ZNF365: variants seen among roughly 807,000 people sequenced by gnomAD.
ZNF365 encodes the protein protein ZNF365.
A neutral mutation model predicts 35.0 loss-of-function variants in ZNF365; 22 were observed. The observed-to-expected ratio is 0.63, with a 90% CI of 0.45 to 0.90. The LOEUF is 0.90. Among genes scored for constraint, ZNF365 ranks in the 40% least tolerant of loss-of-function variants. ZNF365 has a pLI of 0.00. For missense variants in ZNF365, 448 were observed against 500.3 expected (o/e 0.90, Z 1.00); for synonymous variants, 188 against 196.2 (o/e 0.96, Z 0.35).
At chr10:62,395,407 G>A (rs1184851022) in intron 3 of ZNF365, among the ~76,000 whole-genome samples, 2 of 149,946 alleles carry the variant, frequency 1.3e-5, no homozygotes, top group Non-Finnish European at 3.0e-5. Context: ...GCATGATCAT[G>A]GCTCACTGCA....
At chr10:62,442,533 C>T (rs527863597) in intron 3 of ZNF365, among the ~76,000 whole-genome samples, 1 of 152,262 alleles carries the variant, frequency 6.6e-6, no homozygotes, top group South Asian at 2.1e-4. Flanking sequence ...GAAACGATGG[C>T]TTCATTTTCT....
intron 4 of ZNF365, among the ~76,000 whole-genome samples, chr10:62,477,421 C>A (rs1841150303): frequency 6.6e-6 from 1 of 152,148 alleles, no homozygotes; most frequent in African/African-American, 2.4e-5. Context: ...AACTATGAAG[C>A]AAACAAATGT....
chr10:62,413,676 G>T (rs1458784035), intron 3 of ZNF365, among the ~76,000 whole-genome samples: 1 of 151,722 alleles, frequency 6.6e-6, no homozygotes, highest in East Asian at 1.9e-4. Flanking sequence ...TGTTAGAAAT[G>T]AGGAATACCA....
At position 62,399,844 on chromosome 10, in the gene ZNF365, G is replaced by C; in HGVS notation, c.*55G>C. 6.5e-7 allele frequency: 1 copy of C among 1,542,582 alleles called. No homozygotes were observed. The highest frequency in any genetic ancestry group is 8.7e-7 in the Non-Finnish European group (1 of 1,143,056). ...CTGGGCTTTGGGGAACGTTGTTCCA[G>C]GAGCCAACAGTAATGTCTTTCTGGA... On this transcript the variant is annotated 3_prime_UTR_variant, in exon 5 of 5. Coordinates refer to ENST00000395254, the MANE Select transcript of ZNF365 (RefSeq NM_014951.3).
At chr10:62,405,344 G>T (rs1839889453), downstream of ZNF365, among the ~76,000 whole-genome samples, 1 of 152,144 alleles carries the variant, frequency 6.6e-6, no homozygotes, top group Non-Finnish European at 1.5e-5. Flanking sequence ...ACTTAAGAAG[G>T]TGACATCATC....
chr10:62,449,598 T>C (rs1840645263), intron 3 of ZNF365, among the ~76,000 whole-genome samples: 1 of 152,346 alleles, frequency 6.6e-6, no homozygotes, highest in Non-Finnish European at 1.5e-5. Flanking sequence ...AATATTTGAA[T>C]TAAAAAAATT....
At chr10:62,406,110 C>A (rs1401674600), downstream of ZNF365, among the ~76,000 whole-genome samples, 2 of 152,116 alleles carry the variant, frequency 1.3e-5, no homozygotes, top group Non-Finnish European at 1.5e-5. Context: ...ATTGAATTTG[C>A]CCCGCATGCC....
At chr10:62,474,647 A>G (rs1380584675) in intron 4 of ZNF365, among the ~76,000 whole-genome samples, 4 of 152,164 alleles carry the variant, frequency 2.6e-5, no homozygotes, top group African/African-American at 9.7e-5. Context: ...TAAGCCAATG[A>G]TTCTCCAATC....
At chr10:62,393,866 G>C (rs1839677021) in intron 3 of ZNF365, among the ~76,000 whole-genome samples, 1 of 152,132 alleles carries the variant, frequency 6.6e-6, no homozygotes. Flanking sequence ...AACTGTATGA[G>C]GGTTGGAGGG....
At chr10:62,391,212 T>C (rs1448895629) in intron 3 of ZNF365, among the ~76,000 whole-genome samples, 1 of 152,244 alleles carries the variant, frequency 6.6e-6, no homozygotes, top group African/African-American at 2.4e-5. Flanking sequence ...ATATTTTCTT[T>C]TTTAAGTTTT....
At chr10:62,425,242 T>A (rs1392145773) in intron 3 of ZNF365, among the ~76,000 whole-genome samples, 6 of 151,978 alleles carry the variant, frequency 3.9e-5, no homozygotes, top group Admixed American at 1.3e-4. Context: ...AGACACAGAG[T>A]CTAGAAGCCA....
At chr10:62,419,753 A>G (rs1028755346) in intron 3 of ZNF365, among the ~76,000 whole-genome samples, 12 of 152,140 alleles carry the variant, frequency 7.9e-5, no homozygotes, top group Non-Finnish European at 2.9e-5. Flanking sequence ...TTTTGCATGA[A>G]CAAAAGGTCA....
intron 3 of ZNF365, among the ~76,000 whole-genome samples, chr10:62,391,139 T>A (rs1406734666): frequency 6.6e-6 from 1 of 152,272 alleles, no homozygotes; most frequent in Non-Finnish European, 1.5e-5. Flanking sequence ...TAAATTATTT[T>A]TTAACCTTTT....
chr10:62,440,431 C>T (rs1372360703), intron 3 of ZNF365, among the ~76,000 whole-genome samples: 2 of 152,060 alleles, frequency 1.3e-5, no homozygotes, highest in Non-Finnish European at 2.9e-5. Flanking sequence ...ACTGCAATGT[C>T]TGTTGTTTCC....
At chr10:62,440,675 T>C (rs1840485575) in intron 3 of ZNF365, among the ~76,000 whole-genome samples, 1 of 152,204 alleles carries the variant, frequency 6.6e-6, no homozygotes, top group South Asian at 2.1e-4. Context: ...ATCTCTATAG[T>C]AGTGTTTGTA....
At chr10:62,415,606 C>T (rs1840061904) in intron 3 of ZNF365, among the ~76,000 whole-genome samples, 1 of 152,260 alleles carries the variant, frequency 6.6e-6, no homozygotes, top group South Asian at 2.1e-4. Flanking sequence ...TCTTATTTCT[C>T]TAGTACCATA....
downstream of ZNF365, among the ~76,000 whole-genome samples, chr10:62,405,366 T>G (rs1199746027): frequency 6.6e-6 from 1 of 152,148 alleles, no homozygotes; most frequent in Non-Finnish European, 1.5e-5. Context: ...CATTTTGCAA[T>G]GAGAGGGGGG....
At chr10:62,393,199 G>A (rs1002500825) in intron 3 of ZNF365, among the ~76,000 whole-genome samples, 10 of 152,254 alleles carry the variant, frequency 6.6e-5, no homozygotes, top group Non-Finnish European at 1.2e-4. Flanking sequence ...AATACTTCCT[G>A]AAGGACCTGC....
chr10:62,468,054 T>A (rs1421457739), intron 4 of ZNF365, among the ~76,000 whole-genome samples: 1 of 152,176 alleles, frequency 6.6e-6, no homozygotes, highest in African/African-American at 2.4e-5. Context: ...AAATTGCACA[T>A]TTTTATGTGA....
Sources: allele counts gnomAD v4.1 joint callset (sites outside exome capture counted in the v4.1 genomes callset), GRCh38; gene constraint gnomAD v4.1.1; transcripts MANE v1.5; gene names NCBI Gene and HGNC (gene_info 2026-07-23, HGNC 2026-07-21).